CCDC102B: variants seen among roughly 807,000 people sequenced by gnomAD.
CCDC102B encodes the protein coiled-coil domain containing 102B.
Under a neutral mutation model 57.4 loss-of-function variants are expected in CCDC102B, and 75 were observed. That is an observed-to-expected ratio of 1.31 (90% CI 1.08 to 1.58). The LOEUF is 1.58. Among genes scored for constraint, CCDC102B ranks in the 40% most tolerant of loss-of-function variants. The pLI is 0.00. For synonymous variants in CCDC102B, 206 were observed against 201.9 expected (o/e 1.02, Z -0.17); for missense variants, 636 against 582.6 (o/e 1.09, Z -0.94).
chr18:68,878,183 G>A (rs2039524731), intron 5 of CCDC102B, among the ~76,000 whole-genome samples: 1 of 152,116 alleles, frequency 6.6e-6, no homozygotes, highest in Non-Finnish European at 1.5e-5. Flanking sequence ...TGCAACCTCT[G>A]CCTCCTGGGC....
intron 1 of CCDC102B, among the ~76,000 whole-genome samples, chr18:68,805,230 T>C (rs568650794): frequency 1.3e-5 from 2 of 152,330 alleles, no homozygotes; most frequent in African/African-American, 4.8e-5. Flanking sequence ...ATTTTGAAGA[T>C]AGCTAATGTA....
At chr18:69,005,124 T>A (rs1034502352) in intron 6 of CCDC102B, among the ~76,000 whole-genome samples, 1 of 152,084 alleles carries the variant, frequency 6.6e-6, no homozygotes, top group African/African-American at 2.4e-5. Context: ...TTAACTTGAG[T>A]GGTATTGTGA....
chr18:68,974,991 C>A (rs187900324), intron 6 of CCDC102B, among the ~76,000 whole-genome samples: 3 of 151,684 alleles, frequency 2.0e-5, no homozygotes, highest in Non-Finnish European at 4.4e-5. Context: ...TTTAAAAATA[C>A]CTTATGTTGA....
At chr18:68,858,296 T>C (rs1483985762) in intron 4 of CCDC102B, among the ~76,000 whole-genome samples, 1 of 152,182 alleles carries the variant, frequency 6.6e-6, no homozygotes, top group African/African-American at 2.4e-5. Context: ...GCACATCAAA[T>C]TGTCTTTTTT....
chr18:68,795,360 G>A (rs571942144), upstream of CCDC102B, among the ~76,000 whole-genome samples: 36 of 152,188 alleles, frequency 2.4e-4, no homozygotes, highest in African/African-American at 7.7e-4. Context: ...TTAAGGAAAG[G>A]CCATATATAT....
At chr18:69,038,522 A>C (rs928955112) in intron 7 of CCDC102B, among the ~76,000 whole-genome samples, 1 of 151,944 alleles carries the variant, frequency 6.6e-6, no homozygotes, top group Non-Finnish European at 1.5e-5. Context: ...TCTTGACCAA[A>C]AATATACATA....
intron 2 of CCDC102B, among the ~76,000 whole-genome samples, chr18:68,837,611 T>C (rs1248313532): frequency 6.6e-6 from 1 of 152,206 alleles, no homozygotes; most frequent in Non-Finnish European, 1.5e-5. Flanking sequence ...CCTTGGCTTA[T>C]AGAAAGCCGT....
intron 6 of CCDC102B, among the ~76,000 whole-genome samples, chr18:68,997,182 C>A (rs1370850529): frequency 6.6e-6 from 1 of 152,120 alleles, no homozygotes; most frequent in East Asian, 1.9e-4. Context: ...TCAATTAAAC[C>A]TCTTTTCTTC....
In CCDC102B at chr18:68,762,273, AT is replaced by A. The variant is rs527619591; in HGVS notation, c.-67+45682del. Among the ~76,000 whole-genome samples, 432 of 152,220 alleles carry A rather than the reference AT, an allele frequency of 2.8e-3. 1 individual carries two copies. Among genetic ancestry groups the A allele is most frequent in the African/African-American group, 1.0e-2 (415 of 41,560 alleles). On this transcript the variant is annotated intron_variant, in intron 2 of 3. Coordinates refer to the CCDC102B transcript ENST00000578970. ...ATCTCTTATAACCACTTTGTCCTCTATTTACGGAGAACATATTTGCCTTAAA... is the reference window on the plus strand; with the variant it reads ...ATCTCTTATAACCACTTTGTCCTCTATTACGGAGAACATATTTGCCTTAAA...
At position 68,905,964 on chromosome 18, in the gene CCDC102B, T is replaced by A. The variant is rs557784989; in HGVS notation, c.1263+8536T>A. ...GCCCGCCACCACGCCCGGCTAATTTTTTGTATTTTTAGTAGAGACGGGGTT... is the reference window on the plus strand; with the variant it reads ...GCCCGCCACCACGCCCGGCTAATTTATTGTATTTTTAGTAGAGACGGGGTT... On this transcript the variant is annotated intron_variant, in intron 6 of 7. Coordinates refer to ENST00000360242, the MANE Select transcript of CCDC102B (RefSeq NM_024781.3). Among the ~76,000 whole-genome samples, 17 of 151,776 alleles carry A rather than the reference T, an allele frequency of 1.1e-4. No homozygotes were observed. The South Asian group carries it at 1.7e-3, about 15-fold the overall frequency.
At chr18:68,885,155 C>A (rs2039838193) in intron 5 of CCDC102B, among the ~76,000 whole-genome samples, 1 of 151,850 alleles carries the variant, frequency 6.6e-6, no homozygotes, top group African/African-American at 2.4e-5. Context: ...GCTCTTAGGA[C>A]ATGGATACAT....
chr18:68,868,651 G>A (rs1445508672), intron 4 of CCDC102B, among the ~76,000 whole-genome samples: 1 of 152,116 alleles, frequency 6.6e-6, no homozygotes, highest in Non-Finnish European at 1.5e-5. Context: ...CTGACTAACT[G>A]TAAAATACTT....
intron 6 of CCDC102B, among the ~76,000 whole-genome samples, chr18:68,971,788 G>A (rs2050307074): frequency 6.6e-6 from 1 of 152,080 alleles, no homozygotes; most frequent in South Asian, 2.1e-4. Context: ...ATACATCATA[G>A]CATGTCAGTT....
rs946015158 is a variant in CCDC102B, at chr18:68,753,098, T to C, written c.-67+36504T>C. 2.0e-5 allele frequency: 3 copies of C among 152,196 alleles called. No homozygotes were observed. The East Asian group carries it at 5.8e-4, about 29-fold the overall frequency. The allele number at this position is 152,196 out of a possible 1,614,324, so 9.4% of individuals were successfully genotyped here. A position where few individuals can be genotyped will look rare whatever the true frequency, so the allele number is the denominator to read the frequency against. On this transcript the variant is annotated intron_variant, in intron 2 of 3. Transcript: ENST00000578970. ...ATTTCTAAAATAATATTGTCTAGTA[T>C]GTTTATCTTATATATTGAGTTAAAA... is the stretch of plus-strand genomic sequence containing the variant.
chr18:68,970,428 C>G (rs2145257370), intron 6 of CCDC102B, among the ~76,000 whole-genome samples: 1 of 151,984 alleles, frequency 6.6e-6, no homozygotes, highest in South Asian at 2.1e-4. Context: ...TTTTCTGTTT[C>G]ACATCTAACT....
intron 1 of CCDC102B, among the ~76,000 whole-genome samples, chr18:68,811,518 G>C (rs2036263367): frequency 6.6e-6 from 1 of 152,158 alleles, no homozygotes; most frequent in South Asian, 2.1e-4. Flanking sequence ...AGAAGGCTGA[G>C]GCAGGAGAAT....
chr18:68,790,118 G>A (rs1410042843), intron 2 of CCDC102B, among the ~76,000 whole-genome samples: 17 of 149,536 alleles, frequency 1.1e-4, no homozygotes, highest in Non-Finnish European at 2.9e-5. Context: ...CCCTGCTGGG[G>A]GGTGCCTCCC....
intron 2 of CCDC102B, among the ~76,000 whole-genome samples, chr18:68,727,455 G>A (rs1183924895): frequency 6.6e-6 from 1 of 152,148 alleles, no homozygotes; most frequent in Non-Finnish European, 1.5e-5. Flanking sequence ...TGTCAATAAA[G>A]CATCCCAACA....
At chr18:68,801,833 C>T (rs1247210142) in intron 1 of CCDC102B, among the ~76,000 whole-genome samples, 3 of 152,006 alleles carry the variant, frequency 2.0e-5, no homozygotes, top group Admixed American at 6.6e-5. Flanking sequence ...CTTTCCTTTC[C>T]TCCCTTAGTG....
Sources: allele counts gnomAD v4.1 joint callset (sites outside exome capture counted in the v4.1 genomes callset), GRCh38; gene constraint gnomAD v4.1.1; transcripts MANE v1.5; gene names NCBI Gene and HGNC (gene_info 2026-07-23, HGNC 2026-07-21).